The following MIPEP variants were observed in gnomAD, a reference collection of about 807,000 sequenced individuals.
The protein encoded by MIPEP is mitochondrial intermediate peptidase.
A neutral mutation model predicts 90.3 loss-of-function variants in MIPEP; 79 were observed. That is an observed-to-expected ratio of 0.87 (90% CI 0.73 to 1.05). The LOEUF (loss-of-function observed/expected upper bound fraction) is 1.05. Ranked by LOEUF, MIPEP falls within the 50% of genes least tolerant of loss-of-function variation. The probability of loss-of-function intolerance (pLI) is 0.00; values close to 1 mark genes in which losing one functional copy is unlikely to be tolerated. For synonymous variants in MIPEP, 334 were observed against 315.8 expected (o/e 1.06, Z -0.61); for missense variants, 940 against 905.6 (o/e 1.04, Z -0.49).
intron 14 of MIPEP, among the ~76,000 whole-genome samples, chr13:23,810,367 C>T (rs1031559881): frequency 6.6e-6 from 1 of 152,164 alleles, no homozygotes; most frequent in Non-Finnish European, 1.5e-5. Context: ...AGTGTTAAAG[C>T]TAAACTGACA....
intron 10 of MIPEP, among the ~76,000 whole-genome samples, chr13:23,848,211 G>C (rs1869630994): frequency 6.6e-6 from 1 of 152,166 alleles, no homozygotes; most frequent in South Asian, 2.1e-4. Context: ...GGTTCCTGGA[G>C]AAAAGCAGGC....
chr13:23,870,341 T>C (rs903029983), intron 5 of MIPEP, 146 bp from the exon 6 acceptor site: 14 of 368,900 alleles, frequency 3.8e-5, no homozygotes, highest in Non-Finnish European at 5.6e-5. Context: ...AATGAATATA[T>C]TGTTACTATA....
chr13:23,741,942 T>C (rs1952334195), intron 18 of MIPEP, among the ~76,000 whole-genome samples: 3 of 152,208 alleles, frequency 2.0e-5, no homozygotes, highest in African/African-American at 7.2e-5. Context: ...TTAAGGCCTA[T>C]AAGTATCAGT....
At chr13:23,858,429 C>T (rs1000360307) in intron 10 of MIPEP, among the ~76,000 whole-genome samples, 5 of 146,214 alleles carry the variant, frequency 3.4e-5, no homozygotes, top group African/African-American at 1.0e-4. Flanking sequence ...AACATAAGAG[C>T]GCCACTGCAC....
At chr13:23,740,655 T>C (rs542227841) in intron 18 of MIPEP, among the ~76,000 whole-genome samples, 2 of 152,324 alleles carry the variant, frequency 1.3e-5, no homozygotes, top group African/African-American at 4.8e-5. Context: ...GATTCTGTCT[T>C]TCCTCCGATT....
At chr13:23,802,441 G>A in intron 16 of MIPEP, among the ~76,000 whole-genome samples, 1 of 152,052 alleles carries the variant, frequency 6.6e-6, no homozygotes, top group Non-Finnish European at 1.5e-5. Flanking sequence ...GGTGGCAGGT[G>A]CCTGTAATCC....
intron 16 of MIPEP, among the ~76,000 whole-genome samples, chr13:23,761,642 G>T (rs1888003748): frequency 1.3e-5 from 2 of 152,184 alleles, no homozygotes; most frequent in South Asian, 4.1e-4. Context: ...GCAGGGCTAT[G>T]CAAGCACGGC....
chr13:23,738,640 G>A (rs1164922740), intron 18 of MIPEP, among the ~76,000 whole-genome samples: 3 of 151,602 alleles, frequency 2.0e-5, no homozygotes, highest in African/African-American at 7.3e-5. Context: ...TAGGAATGGG[G>A]TTTCGCCATG....
chr13:23,769,195 G>A (rs879888158), intron 16 of MIPEP, among the ~76,000 whole-genome samples: 4 of 152,194 alleles, frequency 2.6e-5, no homozygotes, highest in African/African-American at 7.2e-5. Flanking sequence ...AAATAAGGAC[G>A]TCCATGGTCA....
At chr13:23,853,673 G>C (rs927270934) in intron 10 of MIPEP, among the ~76,000 whole-genome samples, 2 of 151,464 alleles carry the variant, frequency 1.3e-5, no homozygotes, top group Non-Finnish European at 2.9e-5. Context: ...CAATTCTCCT[G>C]CCTCAGCCTC....
chr13:23,792,855 C>A (rs1328629513), intron 16 of MIPEP, among the ~76,000 whole-genome samples: 1 of 152,162 alleles, frequency 6.6e-6, no homozygotes, highest in Non-Finnish European at 1.5e-5. Flanking sequence ...TATGAAGAAG[C>A]ACCCAGTATG....
At chr13:23,774,870 C>T (rs1475509469) in intron 16 of MIPEP, among the ~76,000 whole-genome samples, 3 of 143,532 alleles carry the variant, frequency 2.1e-5, no homozygotes, top group African/African-American at 7.9e-5. Flanking sequence ...GCTCGGCTCA[C>T]TGCGGCCTCT....
In MIPEP at chr13:23,837,826, GA is replaced by G. The variant is rs372904993; in HGVS notation, c.1339-71del. On this transcript the variant is annotated intron_variant, in intron 12 of 18. Transcript: ENST00000382172. ...ATGTGAAGAGTAAAACAGTCTTAAT[GA>G]ATATAAAATTTCACCAAAAATGTGT... 88 of 1,247,586 alleles carry G rather than the reference GA, an allele frequency of 7.1e-5. No individual in the cohort carries two copies. The African/African-American group carries it at 1.2e-3, about 17-fold the overall frequency. 77.3% of individuals were successfully genotyped at this position (1,247,586 alleles called of 1,614,324 possible).
intron 16 of MIPEP, among the ~76,000 whole-genome samples, chr13:23,803,405 A>C (rs1962469): frequency 0.59 from 90,428 of 151,982 alleles, 27,227 homozygotes; most frequent in East Asian, 0.68. Context: ...ACTATCAAAA[A>C]GAAAAAATTC....
At chr13:23,805,794 T>C (rs150245974) in intron 16 of MIPEP, among the ~76,000 whole-genome samples, 156 bp downstream of exon 16, 1 of 152,340 alleles carries the variant, frequency 6.6e-6, no homozygotes, top group Non-Finnish European at 1.5e-5. Context: ...GTTGGAAATA[T>C]TAAATGAACC....
chr13:23,797,056 T>C (rs1424330018), intron 16 of MIPEP, among the ~76,000 whole-genome samples: 1 of 152,188 alleles, frequency 6.6e-6, no homozygotes, highest in Non-Finnish European at 1.5e-5. Context: ...ATTATAGCAG[T>C]AGAAACTGAA....
At chr13:23,884,054 T>C (rs1325009286) in intron 2 of MIPEP, among the ~76,000 whole-genome samples, 1 of 151,738 alleles carries the variant, frequency 6.6e-6, no homozygotes, top group Non-Finnish European at 1.5e-5. Flanking sequence ...GTTGTATGGG[T>C]GGAAGGAAAT....
At chr13:23,754,019 T>C (rs1020735771) in intron 18 of MIPEP, among the ~76,000 whole-genome samples, 2 of 152,226 alleles carry the variant, frequency 1.3e-5, no homozygotes, top group African/African-American at 4.8e-5. Flanking sequence ...TCCATTTTGC[T>C]ATGTAATATA....
chr13:23,747,228 T>C (rs577262668), intron 18 of MIPEP, among the ~76,000 whole-genome samples: 73 of 152,304 alleles, frequency 4.8e-4, no homozygotes, highest in African/African-American at 1.7e-3. Flanking sequence ...CCTGGCACAT[T>C]TTCACTCTGT....
Sources: gnomAD v4.1 joint callset for allele counts (sites outside exome capture counted in the v4.1 genomes callset) on GRCh38, gnomAD v4.1.1 for gene constraint, MANE v1.5 for transcripts, NCBI Gene and HGNC (gene_info 2026-07-23, HGNC 2026-07-21) for gene names.